Variants in CHST15 observed in about 807,000 individuals in gnomAD.
CHST15 encodes the protein carbohydrate sulfotransferase 15.
Under a neutral mutation model 53.6 loss-of-function variants are expected in CHST15, and 30 were observed. That is an observed-to-expected ratio of 0.56 (90% CI 0.42 to 0.76). The LOEUF is 0.76. Among genes scored for constraint, CHST15 ranks in the 30% least tolerant of loss-of-function variants. The pLI, the probability that CHST15 is intolerant of heterozygous loss-of-function variation, is 0.00. For synonymous variants in CHST15, 296 were observed against 289.8 expected (o/e 1.02, Z -0.22); for missense variants, 627 against 740.5 (o/e 0.85, Z 1.78).
intron 2 of CHST15, 131 bp downstream of exon 2, chr10:124,045,536 A>T: frequency 1.1e-6 from 1 of 939,800 alleles, no homozygotes. Flanking sequence ...TAAGGCTGTC[A>T]AATGATCCTT....
intron 1 of CHST15, among the ~76,000 whole-genome samples, chr10:124,062,621 C>T (rs1299089402): frequency 6.6e-6 from 1 of 152,168 alleles, no homozygotes; most frequent in African/African-American, 2.4e-5. Flanking sequence ...CCACCACCAC[C>T]AGCAGCCTCA....
chr10:124,016,017 G>A (rs572127966), intron 6 of CHST15, among the ~76,000 whole-genome samples: 1 of 152,302 alleles, frequency 6.6e-6, no homozygotes, highest in Non-Finnish European at 1.5e-5. Context: ...TCTGATTCAG[G>A]AGGTCTGGGA....
At chr10:124,068,918 T>G (rs1948829159) in intron 1 of CHST15, among the ~76,000 whole-genome samples, 1 of 152,228 alleles carries the variant, frequency 6.6e-6, no homozygotes, top group African/African-American at 2.4e-5. Flanking sequence ...ATGTTCCACC[T>G]TATGGTATTT....
Position 124,046,087 on chromosome 10 carries a change from T to A in CHST15, c.126A>T (p.Lys42Asn), listed in dbSNP as rs1253119715. 6.2e-7 allele frequency: 1 copy of A among 1,614,130 alleles called. No individual in the cohort carries two copies. The highest frequency in any genetic ancestry group is 8.5e-7 in the Non-Finnish European group (1 of 1,180,050). The change falls in exon 2 of 8, where the codon AAA becomes AAT. Residue 42 changes from lysine (K) to asparagine (N), a missense_variant. Physicochemically the swap from Lys to Asn is moderately conservative, Grantham distance 94. Coordinates refer to ENST00000435907, the MANE Select transcript of CHST15 (RefSeq NM_001270764.2). ...GCTTACTGTCCACACGAAACAGAAT[T>A]TTGTTTTCTCCTTTGCACGTGGGGC... The part of the protein sequence containing the change: ...QACPTCKGEN[K>N]ILFRVDSKQM...
Position 124,009,817 on chromosome 10 carries a change from G to T in CHST15, c.*332C>A, listed in dbSNP as rs1046097356. 9.1e-7 allele frequency: 1 copy of T among 1,095,554 alleles called. No individual in the cohort carries two copies. The allele number at this position is 1,095,554 out of a possible 1,614,324, so 67.9% of individuals were successfully genotyped here. On this transcript the variant is annotated 3_prime_UTR_variant, in exon 8 of 8. Transcript: ENST00000435907. ...CTCTCCAGAAGGCGGAGGCGGGCAG[G>T]GCCAGGCTGCCTTCCCTAGGTGTTC...
chr10:124,065,537 C>T (rs570705438), intron 1 of CHST15, among the ~76,000 whole-genome samples: 19 of 152,146 alleles, frequency 1.2e-4, no homozygotes, highest in Non-Finnish European at 2.5e-4. Flanking sequence ...TGGGGGTTGG[C>T]CCCAGGCTTC....
intron 5 of CHST15, among the ~76,000 whole-genome samples, chr10:124,028,417 G>T (rs1353130632): frequency 6.6e-6 from 1 of 152,190 alleles, no homozygotes; most frequent in Non-Finnish European, 1.5e-5. Context: ...CCCATAGTGG[G>T]TTCCTCCTCC....
intron 5 of CHST15, among the ~76,000 whole-genome samples, chr10:124,023,180 A>C (rs900442329): frequency 2.0e-5 from 3 of 152,098 alleles, no homozygotes; most frequent in Non-Finnish European, 4.4e-5. Flanking sequence ...GAAGGCCTGC[A>C]TTGCCATTTT....
chr10:124,044,253 G>A (rs760732374), intron 3 of CHST15, among the ~76,000 whole-genome samples: 2 of 152,002 alleles, frequency 1.3e-5, no homozygotes, highest in Non-Finnish European at 2.9e-5. Flanking sequence ...CAAGAGCCCG[G>A]ATCACGCCCT....
At chr10:124,048,566 C>G (rs1017719656) in intron 1 of CHST15, among the ~76,000 whole-genome samples, 1 of 152,196 alleles carries the variant, frequency 6.6e-6, no homozygotes, top group African/African-American at 2.4e-5. Flanking sequence ...CCTGACCCAT[C>G]GCTTGCTACA....
chr10:124,045,136 A>AAC (rs1564882380), intron 2 of CHST15, among the ~76,000 whole-genome samples: 2 of 148,468 alleles, frequency 1.3e-5, no homozygotes, highest in Admixed American at 6.7e-5. Context: ...AAAAAAAAAA[A>AAC]AAAAAAAACT....
In CHST15 at chr10:124,038,626, A is replaced by G. The variant is rs1457173671; in HGVS notation, c.1079T>C (p.Phe360Ser). ...GCCATCCGTGCTGTTGTCGTAGAAG[A>G]ACGTCCAGGCATTATTATCCCACAT... Reference protein sequence around the residue: ...STMWDNNAWTFFYDNSTDGEP... With the variant: ...STMWDNNAWTSFYDNSTDGEP... Residue 360 changes from phenylalanine (F) to serine (S), a missense_variant, in exon 5 of 8, where the codon TTC (phenylalanine) becomes TCC (serine). Physicochemically the swap from Phe to Ser is radical, Grantham distance 155 (BLOSUM62 -2). This residue lies in a region of CHST15 where 279 missense variants were observed against 371.6 expected (regional missense o/e 0.75). Coordinates refer to ENST00000435907, the MANE Select transcript of CHST15 (RefSeq NM_001270764.2). 1 of 1,614,210 alleles carries G rather than the reference A, an allele frequency of 6.2e-7. No homozygotes were observed. The highest frequency in any genetic ancestry group is 8.5e-7 in the Non-Finnish European group (1 of 1,180,036).
chr10:124,065,861 T>A (rs6588750), intron 1 of CHST15, among the ~76,000 whole-genome samples: 40,958 of 152,044 alleles, frequency 0.27, 5,663 homozygotes, highest in Middle Eastern at 0.4. Context: ...CCAGAAGATA[T>A]AATTTTTCAG....
At chr10:124,028,623 G>A (rs1045892240) in intron 5 of CHST15, among the ~76,000 whole-genome samples, 3 of 152,100 alleles carry the variant, frequency 2.0e-5, no homozygotes, top group Admixed American at 6.5e-5. Flanking sequence ...GTTCCCACAG[G>A]GACTCATGTC....
rs551032131 is a variant in CHST15, at chr10:124,019,891, C to G, written c.1347+1365G>C. 3.0e-6 allele frequency: 3 copies of G among 986,048 alleles called. No individual in the cohort carries two copies. The African/African-American group carries it at 5.2e-5, about 17-fold the overall frequency. 61.1% of individuals were successfully genotyped at this position (986,048 alleles called of 1,614,324 possible). On this transcript the variant is annotated intron_variant, in intron 6 of 7. Coordinates refer to ENST00000435907, the MANE Select transcript of CHST15 (RefSeq NM_001270764.2). The surrounding 1 kb of genome is among the most constrained non-coding windows in gnomAD (Gnocchi z 4.6). ...CCCACACCAGGCGGCTGGCTGCGTTCTGTATGGTAGGTGGTGCTGACCACT... is the reference window on the plus strand; with the variant it reads ...CCCACACCAGGCGGCTGGCTGCGTTGTGTATGGTAGGTGGTGCTGACCACT...
Position 124,024,694 on chromosome 10 carries a change from G to A in CHST15, c.1191-3282C>T, listed in dbSNP as rs1946927006. On this transcript the variant is annotated intron_variant, in intron 5 of 7. Transcript: ENST00000435907. The surrounding 1 kb of genome is among the most constrained non-coding windows in gnomAD (Gnocchi z 4.0). ...TCAAAACTGAAACACGGCATCTGTC[G>A]CCATAGGGTCGCTCATGGTTACTAT... is the stretch of plus-strand genomic sequence containing the variant. Among the ~76,000 whole-genome samples, 1 of 152,140 alleles carries A rather than the reference G, an allele frequency of 6.6e-6. No homozygotes were observed. The highest frequency in any genetic ancestry group is 1.5e-5 in the Non-Finnish European group (1 of 68,028).
rs906258451 is a variant in CHST15, at chr10:124,009,708, A to C, written c.*441T>G. On this transcript the variant is annotated 3_prime_UTR_variant, in exon 8 of 8. Transcript: ENST00000435907. Reference sequence around the variant, plus strand: ...TGCAACACGGCGAGACCCCATCTCTAGGGGGAAAAAAAGGGAACGTGAAGT... The same window carrying C: ...TGCAACACGGCGAGACCCCATCTCTCGGGGGAAAAAAAGGGAACGTGAAGT... 2.9e-6 allele frequency: 3 copies of C among 1,023,376 alleles called. No homozygotes were observed. In the African/African-American group the frequency reaches 5.2e-5, roughly 18 times the overall value. 63.4% of individuals were successfully genotyped at this position (1,023,376 alleles called of 1,614,324 possible).
intron 1 of CHST15, among the ~76,000 whole-genome samples, chr10:124,054,829 G>C (rs993826254): frequency 6.6e-6 from 1 of 152,224 alleles, no homozygotes; most frequent in Non-Finnish European, 1.5e-5. Flanking sequence ...CACCGTGGAA[G>C]GATGAGCCAT....
chr10:124,054,319 C>G (rs749898666), intron 1 of CHST15, among the ~76,000 whole-genome samples: 5 of 152,208 alleles, frequency 3.3e-5, no homozygotes, highest in Non-Finnish European at 7.3e-5. Context: ...CATACAAAAC[C>G]CAGGCAGTTT....
Sources: gnomAD v4.1 joint callset for allele counts (sites outside exome capture counted in the v4.1 genomes callset) on GRCh38, gnomAD v4.1.1 for gene constraint, gnomAD v4.1.1 regional missense constraint, Gnocchi (gnomAD v3.1) non-coding constraint, MANE v1.5 for transcripts, NCBI Gene and HGNC (gene_info 2026-07-23, HGNC 2026-07-21) for gene names.